The following PTPRM variants were observed in gnomAD, a reference collection of about 807,000 sequenced individuals.
PTPRM encodes protein tyrosine phosphatase receptor type M.
Under a neutral mutation model 186.7 loss-of-function variants are expected in PTPRM, and 47 were observed. The observed-to-expected ratio is 0.25, with a 90% CI of 0.20 to 0.32. PTPRM has a LOEUF of 0.32. PTPRM is among the 10% of genes least tolerant of loss of function. The pLI is 1.00. For missense variants in PTPRM, 1,494 were observed against 1,865.0 expected (o/e 0.80, Z 3.66); for synonymous variants, 668 against 674.9 (o/e 0.99, Z 0.16).
chr18:7,655,061 A>G (rs1030180961), intron 1 of PTPRM, among the ~76,000 whole-genome samples: 1 of 152,084 alleles, frequency 6.6e-6, no homozygotes, highest in African/African-American at 2.4e-5. Flanking sequence ...CATTTTAATG[A>G]TATTGATTCT....
intron 1 of PTPRM, among the ~76,000 whole-genome samples, chr18:7,618,281 TAGAA>T (rs1266525016): frequency 6.6e-6 from 1 of 152,164 alleles, no homozygotes; most frequent in Non-Finnish European, 1.5e-5. Context: ...GTTAATGGCT[TAGAA>T]AGGTGTTGTA....
chr18:8,384,473 T>A, intron 29 of PTPRM, 88 bp from the exon 30 acceptor site: 1 of 1,451,298 alleles, frequency 6.9e-7, no homozygotes. Context: ...AAAAAAGGAT[T>A]ACTGAGTGTC....
intron 14 of PTPRM, among the ~76,000 whole-genome samples, chr18:8,207,124 C>T (rs1391504484): frequency 6.6e-6 from 1 of 152,160 alleles, no homozygotes; most frequent in Non-Finnish European, 1.5e-5. Flanking sequence ...GTACTTTTTA[C>T]AGCAGCCCTA....
intron 23 of PTPRM, among the ~76,000 whole-genome samples, chr18:8,364,156 C>A (rs1037547503): frequency 3.3e-5 from 5 of 152,114 alleles, no homozygotes; most frequent in African/African-American, 1.2e-4. Flanking sequence ...CCAAATAAAG[C>A]CAGTATGAAA....
At chr18:8,261,208 C>T (rs1328921386) in intron 19 of PTPRM, among the ~76,000 whole-genome samples, 1 of 152,034 alleles carries the variant, frequency 6.6e-6, no homozygotes, top group African/African-American at 2.4e-5. Flanking sequence ...GGATACAAAA[C>T]AAACAAAACA....
chr18:7,617,668 C>T (rs529773460), intron 1 of PTPRM, among the ~76,000 whole-genome samples: 1 of 152,276 alleles, frequency 6.6e-6, no homozygotes, highest in African/African-American at 2.4e-5. Context: ...CAAGCTTAAA[C>T]ACTGGTGTGT....
chr18:7,835,707 T>A (rs1267772095), intron 2 of PTPRM, among the ~76,000 whole-genome samples: 1 of 150,932 alleles, frequency 6.6e-6, no homozygotes, highest in East Asian at 1.9e-4. Flanking sequence ...TCTCTATCTC[T>A]CTTTAGCGCT....
At chr18:7,830,553 C>T (rs2045708141) in intron 2 of PTPRM, among the ~76,000 whole-genome samples, 1 of 152,164 alleles carries the variant, frequency 6.6e-6, no homozygotes, top group South Asian at 2.1e-4. Context: ...CACATGCAGT[C>T]TGCTGTTGAC....
chr18:7,937,480 A>G (rs1044058424), intron 5 of PTPRM, among the ~76,000 whole-genome samples: 7 of 152,030 alleles, frequency 4.6e-5, no homozygotes, highest in African/African-American at 1.7e-4. Flanking sequence ...GCTCACTCAC[A>G]CACCCGTCAC....
intron 2 of PTPRM, among the ~76,000 whole-genome samples, chr18:7,798,416 C>T (rs1218268473): frequency 6.6e-6 from 1 of 151,928 alleles, no homozygotes; most frequent in East Asian, 1.9e-4. Context: ...GTAATTCCAG[C>T]TACTCAGGAG....
chr18:8,301,494 A>G (rs2095157496), intron 20 of PTPRM, among the ~76,000 whole-genome samples: 1 of 152,164 alleles, frequency 6.6e-6, no homozygotes, highest in East Asian at 1.9e-4. Context: ...GGGACTGGCA[A>G]TTGGAGATAA....
chr18:7,994,265 A>ACACACAC (rs145006322), intron 7 of PTPRM, among the ~76,000 whole-genome samples: 31 of 149,014 alleles, frequency 2.1e-4, no homozygotes, highest in African/African-American at 7.6e-4. Context: ...GGATATAAAT[A>ACACACAC]ACACACACAC....
At chr18:8,404,396 G>C (rs568964984) in intron 32 of PTPRM, 2 of 152,322 alleles carry the variant, frequency 1.3e-5, no homozygotes, top group South Asian at 4.1e-4. Context: ...TATTGAGTTG[G>C]ATCACATGCT....
chr18:7,680,826 C>T (rs1018755440), intron 1 of PTPRM, among the ~76,000 whole-genome samples: 2 of 152,220 alleles, frequency 1.3e-5, no homozygotes, highest in African/African-American at 4.8e-5. Flanking sequence ...CCATAAGGGG[C>T]TAAGTGTGGG....
At chr18:7,709,728 C>T (rs924089878) in intron 1 of PTPRM, among the ~76,000 whole-genome samples, 2 of 151,854 alleles carry the variant, frequency 1.3e-5, no homozygotes, top group African/African-American at 4.8e-5. Flanking sequence ...ATATGACAAC[C>T]GATATCACAG....
chr18:7,942,588 C>G (rs868611594), intron 5 of PTPRM, among the ~76,000 whole-genome samples: 1 of 151,964 alleles, frequency 6.6e-6, no homozygotes, highest in African/African-American at 2.4e-5. Flanking sequence ...AGTTTCCTAG[C>G]CCATCTCAGG....
rs184360664 is a variant in PTPRM at position 8,170,551 on chromosome 18, G to T, written c.2300+26772G>T. ...TATATAGGTAGTCTTGGGCCTATAG[G>T]TAATCTCTTTGGGGCTTTTAAAAGA... On this transcript the variant is annotated intron_variant, in intron 14 of 32. Coordinates refer to ENST00000580170, the MANE Select transcript of PTPRM (RefSeq NM_001105244.2). 2.0e-5 allele frequency among the ~76,000 whole-genome samples: 3 copies of T among 150,080 alleles called. No homozygotes were observed. The East Asian group carries it at 5.8e-4, about 29-fold the overall frequency.
chr18:7,653,117 C>CTTTA (rs869277858), intron 1 of PTPRM, among the ~76,000 whole-genome samples: 1 of 122,950 alleles, frequency 8.1e-6, no homozygotes, highest in African/African-American at 4.1e-5. Flanking sequence ...CCACTATGTA[C>CTTTA]TTTATTATTA....
At chr18:8,324,459 G>A (rs576117761) in intron 22 of PTPRM, among the ~76,000 whole-genome samples, 1 of 152,326 alleles carries the variant, frequency 6.6e-6, no homozygotes, top group African/African-American at 2.4e-5. Flanking sequence ...AGAGACTAGA[G>A]TAGCAGGTCC....
Sources: gnomAD v4.1 joint callset for allele counts (sites outside exome capture counted in the v4.1 genomes callset) on GRCh38, gnomAD v4.1.1 for gene constraint, MANE v1.5 for transcripts, NCBI Gene and HGNC (gene_info 2026-07-23, HGNC 2026-07-21) for gene names.